Variants in MAP3K7 observed in about 807,000 individuals in gnomAD.
MAP3K7 encodes TGF-beta activated kinase 1.
In MAP3K7, 21 loss-of-function variants were observed where a neutral mutation model predicts 84.8. The observed-to-expected ratio is 0.25, with a 90% confidence interval of 0.18 to 0.36. MAP3K7 has a LOEUF of 0.36. Ranked by LOEUF, MAP3K7 falls within the 10% of genes least tolerant of loss-of-function variation. The pLI is 1.00. For synonymous variants in MAP3K7, 241 were observed against 247.7 expected (o/e 0.97, Z 0.25); for missense variants, 503 against 747.7 (o/e 0.67, Z 3.82).
At chr6:90,554,236 T>A (rs1343927300) in intron 6 of MAP3K7, among the ~76,000 whole-genome samples, 1 of 152,208 alleles carries the variant, frequency 6.6e-6, no homozygotes, top group African/African-American at 2.4e-5. Context: ...ATCTTAAATT[T>A]TCTTCCCACT....
intron 13 of MAP3K7, among the ~76,000 whole-genome samples, chr6:90,530,206 T>C (rs531031512): frequency 2.6e-5 from 4 of 152,312 alleles, no homozygotes; most frequent in Non-Finnish European, 4.4e-5. Flanking sequence ...GTCAGTGTAA[T>C]GCTAATGCAC....
intron 13 of MAP3K7, among the ~76,000 whole-genome samples, chr6:90,532,022 T>C (rs1038865191): frequency 6.6e-6 from 1 of 151,132 alleles, no homozygotes; most frequent in African/African-American, 2.4e-5. Flanking sequence ...GAAGAAGGAA[T>C]TATTCAAAAC....
chr6:90,560,502 C>T (rs1038638018), intron 4 of MAP3K7, among the ~76,000 whole-genome samples: 1 of 152,186 alleles, frequency 6.6e-6, no homozygotes, highest in Non-Finnish European at 1.5e-5. Context: ...GCTGGGACTA[C>T]AGGCGTGTGC....
At chr6:90,567,652 G>A (rs1171187369) in intron 3 of MAP3K7, among the ~76,000 whole-genome samples, 1 of 152,202 alleles carries the variant, frequency 6.6e-6, no homozygotes, top group Non-Finnish European at 1.5e-5. Flanking sequence ...GGAAGACAGT[G>A]TGGCAATTCC....
intron 14 of MAP3K7, among the ~76,000 whole-genome samples, chr6:90,520,563 T>C (rs1213695188): frequency 6.6e-6 from 1 of 151,986 alleles, no homozygotes; most frequent in Non-Finnish European, 1.5e-5. Flanking sequence ...TCATACTAAA[T>C]GGAGAATTAG....
chr6:90,580,182 A>G (rs1777222437), intron 1 of MAP3K7, among the ~76,000 whole-genome samples: 1 of 152,354 alleles, frequency 6.6e-6, no homozygotes, highest in Non-Finnish European at 1.5e-5. Flanking sequence ...GATTATGTAC[A>G]TTATTAGATA....
intron 8 of MAP3K7, 177 bp from the exon 9 acceptor site, chr6:90,550,726 C>T: frequency 2.1e-6 from 1 of 473,510 alleles, no homozygotes; most frequent in Non-Finnish European, 3.8e-6. Context: ...CATGCACCTA[C>T]CTAAGAATCT....
chr6:90,582,142 C>A (rs1376012785), intron 1 of MAP3K7, among the ~76,000 whole-genome samples: 1 of 152,144 alleles, frequency 6.6e-6, no homozygotes, highest in African/African-American at 2.4e-5. Context: ...GTGGCTTACT[C>A]ATAGCATCTG....
intron 3 of MAP3K7, among the ~76,000 whole-genome samples, chr6:90,566,443 G>A (rs556048719): frequency 6.6e-5 from 10 of 152,266 alleles, no homozygotes; most frequent in African/African-American, 2.2e-4. Flanking sequence ...GCCAAATCAT[G>A]AGTGAACTCC....
intron 12 of MAP3K7, among the ~76,000 whole-genome samples, chr6:90,540,210 A>C (rs1189252453): frequency 2.0e-5 from 3 of 151,888 alleles, no homozygotes; most frequent in Non-Finnish European, 2.9e-5. Context: ...TGTAAGACAG[A>C]AAATCCTCTT....
chr6:90,564,677 C>T (rs942173169), intron 3 of MAP3K7, among the ~76,000 whole-genome samples: 2 of 152,326 alleles, frequency 1.3e-5, no homozygotes, highest in East Asian at 3.9e-4. Flanking sequence ...AGAAAGTTAA[C>T]AAGGATATCC....
chr6:90,568,762 G>C, intron 2 of MAP3K7, 139 bp from the exon 3 acceptor site: 2 of 627,704 alleles, frequency 3.2e-6, no homozygotes, highest in South Asian at 4.6e-5. Flanking sequence ...AACAGGCATT[G>C]CAATCATAGT....
rs1258375848 is a variant in MAP3K7, at chr6:90,561,788, C to T, written c.298-121G>A. 5.4e-6 allele frequency: 4 copies of T among 740,738 alleles called. No individual in the cohort carries two copies. The East Asian group carries it at 1.1e-4, about 19-fold the overall frequency. 45.9% of individuals were successfully genotyped at this position (740,738 alleles called of 1,614,324 possible). On this transcript the variant is annotated intron_variant, in intron 3 of 16. Transcript: ENST00000369329. ...ATATTAAAAATCATTCTTTTGGCCC[C>T]TACTATGTGAATAGTACTAGGGAAG... is the stretch of plus-strand genomic sequence containing the variant.
intron 13 of MAP3K7, among the ~76,000 whole-genome samples, chr6:90,527,708 G>T (rs1229223364): frequency 6.6e-6 from 1 of 152,154 alleles, no homozygotes; most frequent in Non-Finnish European, 1.5e-5. Flanking sequence ...CCCCCACTGG[G>T]ATTGCTAATG....
In MAP3K7 at chr6:90,544,533, C is replaced by T. The variant is rs1562090544; in HGVS notation, c.1291+19G>A. The T allele has an allele frequency of 6.2e-7, 1 of 1,607,400 alleles. No individual in the cohort carries two copies. The highest frequency in any genetic ancestry group is 2.2e-5 in the East Asian group (1 of 44,802). ...TCCGGTTCCACAGCTATTAGACCAACTCAGGTGGTCTATGATACCTGATAT... is the reference window on the plus strand; with the variant it reads ...TCCGGTTCCACAGCTATTAGACCAATTCAGGTGGTCTATGATACCTGATAT... On this transcript the variant is annotated intron_variant, in intron 12 of 16. Transcript: ENST00000369329.
At chr6:90,562,153 AG>A (rs1191466482) in intron 3 of MAP3K7, among the ~76,000 whole-genome samples, 1 of 152,262 alleles carries the variant, frequency 6.6e-6, no homozygotes, top group Non-Finnish European at 1.5e-5. Flanking sequence ...TACAGCTACC[AG>A]CGTAAGCGAC....
In MAP3K7 at chr6:90,513,676, T is replaced by C. The variant is rs1363310438; in HGVS notation, c.*2825A>G. On this transcript the variant is annotated 3_prime_UTR_variant, in exon 17 of 17. Coordinates refer to ENST00000369329, the MANE Select transcript of MAP3K7 (RefSeq NM_145331.3). The stretch of plus-strand genomic sequence containing the variant: ...ACAAGAATTTCTGCATTACATCATT[T>C]GACATAAAATGTTCTGAATGACAGA... 6.6e-6 allele frequency: 1 copy of C among 152,168 alleles called. No individual in the cohort carries two copies. Among genetic ancestry groups the C allele is most frequent in the Non-Finnish European group, 1.5e-5 (1 of 68,016 alleles). 9.4% of individuals were successfully genotyped at this position (152,168 alleles called of 1,614,324 possible).
intron 9 of MAP3K7, 38 bp from the exon 10 acceptor site, chr6:90,548,215 A>G: frequency 6.4e-7 from 1 of 1,563,534 alleles, no homozygotes; most frequent in Non-Finnish European, 8.7e-7. Flanking sequence ...AATGGCTGGA[A>G]ATAATACAAA....
rs368108126 is a variant in MAP3K7, at chr6:90,587,015, G to C, written c.-132C>G. 1.2e-5 allele frequency: 13 copies of C among 1,124,948 alleles called. No individual in the cohort carries two copies. Among genetic ancestry groups the C allele is most frequent in the Non-Finnish European group, 1.5e-5 (13 of 846,278 alleles). The allele number at this position is 1,124,948 out of a possible 1,614,324, so 69.7% of individuals were successfully genotyped here. A position where few individuals can be genotyped will look rare whatever the true frequency, so the allele number is the denominator to read the frequency against. On this transcript the variant is annotated 5_prime_UTR_variant, in exon 1 of 17. Coordinates refer to ENST00000369329, the MANE Select transcript of MAP3K7 (RefSeq NM_145331.3). ...GTCCTACTACCCGGCGATCCGTGGCGGGGGTAGAGGCAGCGGCCACAGCCG... is the reference window on the plus strand; with the variant it reads ...GTCCTACTACCCGGCGATCCGTGGCCGGGGTAGAGGCAGCGGCCACAGCCG...
Sources: allele counts gnomAD v4.1 joint callset (sites outside exome capture counted in the v4.1 genomes callset), GRCh38; gene constraint gnomAD v4.1.1; transcripts MANE v1.5; gene names NCBI Gene and HGNC (gene_info 2026-07-23, HGNC 2026-07-21).